The following AAK1 variants were observed in gnomAD, a reference collection of about 807,000 sequenced individuals.
The protein encoded by AAK1 is AP2-associated protein kinase 1.
Under a neutral mutation model 116.0 loss-of-function variants are expected in AAK1, and 37 were observed. The observed-to-expected ratio is 0.32, with a 90% CI of 0.25 to 0.42. AAK1 has a LOEUF of 0.42. Among genes scored for constraint, AAK1 ranks in the 10% least tolerant of loss-of-function variants. AAK1 has a pLI of 1.00. For missense variants in AAK1, 919 were observed against 1,170.6 expected (o/e 0.79, Z 3.14); for synonymous variants, 458 against 439.9 (o/e 1.04, Z -0.51).
rs574490585 is a variant in AAK1 at position 69,493,158 on chromosome 2, C to CAAAAAAAAAAAAAAAAAAAAA, written c.2365+2826_2365+2827insTTTTTTTTTTTTTTTTTTTTT. On this transcript the variant is annotated intron_variant, in intron 17 of 21. Coordinates refer to ENST00000409085, the MANE Select transcript of AAK1 (RefSeq NM_014911.5). ...TGGGCGACAGAGCGAGACTCCGTCT[C>CAAAAAAAAAAAAAAAAAAAAA]AAAAAAAAAAAAAAAAAAAGGATGC... 8.6e-3 allele frequency among the ~76,000 whole-genome samples: 322 copies of CAAAAAAAAAAAAAAAAAAAAA among 37,478 alleles called. 30 individuals are homozygous for CAAAAAAAAAAAAAAAAAAAAA. The highest frequency in any genetic ancestry group is 0.016 in the Non-Finnish European group (244 of 15,244). 24.6% of individuals were successfully genotyped at this position (37,478 alleles called of 152,430 possible). A position where few individuals can be genotyped will look rare whatever the true frequency, so the allele number is the denominator to read the frequency against.
chr2:69,514,897 T>G (rs1011429038), intron 12 of AAK1, 148 bp from the exon 13 acceptor site: 1 of 848,740 alleles, frequency 1.2e-6, no homozygotes, highest in Admixed American at 3.1e-5. Context: ...AATCTCATGA[T>G]AGAGACCTCA....
chr2:69,531,360 C>T (rs1234908408), intron 6 of AAK1, among the ~76,000 whole-genome samples: 1 of 152,142 alleles, frequency 6.6e-6, no homozygotes, highest in Non-Finnish European at 1.5e-5. Context: ...GTTCTTCTTG[C>T]CCCGGGCATG....
intron 2 of AAK1, among the ~76,000 whole-genome samples, chr2:69,563,277 T>C (rs1026541118): frequency 6.6e-5 from 10 of 151,600 alleles, no homozygotes; most frequent in African/African-American, 2.4e-4. Context: ...CAAGGAAAAG[T>C]GAGGGAAGGG....
intron 10 of AAK1, 40 bp from the exon 11 acceptor site, chr2:69,521,028 G>GA: frequency 6.2e-7 from 1 of 1,608,834 alleles, no homozygotes. Context: ...TAAAGTATGG[G>GA]AAAAATGGAA....
chr2:69,482,301 G>T, intron 18 of AAK1: 1 of 373,880 alleles, frequency 2.7e-6, no homozygotes, highest in Non-Finnish European at 4.8e-6. Flanking sequence ...GCAGTGAGCT[G>T]AGATCTTGCC....
chr2:69,618,701 T>C (rs985175605), intron 2 of AAK1, among the ~76,000 whole-genome samples: 1 of 150,768 alleles, frequency 6.6e-6, no homozygotes, highest in Non-Finnish European at 1.5e-5. Flanking sequence ...TTCCCTCCAC[T>C]GCAACTCCTA....
intron 5 of AAK1, among the ~76,000 whole-genome samples, chr2:69,533,122 C>T (rs1195243100): frequency 6.6e-6 from 1 of 152,114 alleles, no homozygotes; most frequent in Non-Finnish European, 1.5e-5. Flanking sequence ...TTGCCTTCAG[C>T]CTTCCAAAGA....
At chr2:69,582,198 T>G (rs1672575088) in intron 2 of AAK1, among the ~76,000 whole-genome samples, 1 of 152,174 alleles carries the variant, frequency 6.6e-6, no homozygotes, top group South Asian at 2.1e-4. Context: ...GCCCTGGATC[T>G]ATTTTTTACA....
rs774192903 is a variant in AAK1, at chr2:69,479,039, G to C, written c.2592C>G (p.Ser864=). ...TAGAGAGCAGAGAGCAATCAAGCAGGGAATCTTCCCCGGTGAGAGAATCTG... is the reference window on the plus strand; with the variant it reads ...TAGAGAGCAGAGAGCAATCAAGCAGCGAATCTTCCCCGGTGAGAGAATCTG... ...NRTDSLTGED[S]LLDCSLLSNP... The change falls in exon 20 of 22, where the codon TCC becomes TCG. Residue 864 remains serine, a synonymous_variant. Transcript: ENST00000409085. 3 of 1,613,644 alleles carry C rather than the reference G, an allele frequency of 1.9e-6. No individual in the cohort carries two copies. The highest frequency in any genetic ancestry group is 3.3e-5 in the Admixed American group (2 of 59,992).
At chr2:69,498,971 G>T (rs1675865210) in intron 16 of AAK1, among the ~76,000 whole-genome samples, 1 of 152,222 alleles carries the variant, frequency 6.6e-6, no homozygotes, top group African/African-American at 2.4e-5. Context: ...TGGCAGAAGG[G>T]AATGGGGAGG....
At chr2:69,570,278 T>TA (rs1672040965) in intron 2 of AAK1, among the ~76,000 whole-genome samples, 1 of 151,760 alleles carries the variant, frequency 6.6e-6, no homozygotes, top group African/African-American at 2.4e-5. Flanking sequence ...CTGCCTGGAA[T>TA]ATCCTGTCTC....
At chr2:69,489,632 C>T (rs1203520849) in intron 17 of AAK1, among the ~76,000 whole-genome samples, 1 of 152,150 alleles carries the variant, frequency 6.6e-6, no homozygotes, top group Non-Finnish European at 1.5e-5. Flanking sequence ...GCCACTCCAG[C>T]CTTGTGGCTT....
intron 13 of AAK1, among the ~76,000 whole-genome samples, chr2:69,510,006 C>A (rs1291293123): frequency 6.6e-6 from 1 of 152,188 alleles, no homozygotes; most frequent in Non-Finnish European, 1.5e-5. Flanking sequence ...AGAGAAAATT[C>A]TACTGTGATT....
intron 2 of AAK1, among the ~76,000 whole-genome samples, chr2:69,625,096 A>C (rs1385430106): frequency 6.6e-6 from 1 of 152,266 alleles, no homozygotes; most frequent in East Asian, 1.9e-4. Flanking sequence ...GACATAAAAA[A>C]ATGGTTTCTG....
intron 13 of AAK1, among the ~76,000 whole-genome samples, chr2:69,510,173 A>G (rs1253862259): frequency 2.0e-5 from 3 of 152,058 alleles, no homozygotes; most frequent in African/African-American, 4.8e-5. Flanking sequence ...CACAAGAGTT[A>G]TTTTTTCTGA....
At chr2:69,580,482 T>C (rs964319862) in intron 2 of AAK1, among the ~76,000 whole-genome samples, 2 of 152,056 alleles carry the variant, frequency 1.3e-5, no homozygotes, top group African/African-American at 4.8e-5. Flanking sequence ...ATAGGAATAT[T>C]AAACAGAGAA....
chr2:69,555,748 A>G (rs547947450), intron 3 of AAK1, among the ~76,000 whole-genome samples: 1 of 152,338 alleles, frequency 6.6e-6, no homozygotes, highest in African/African-American at 2.4e-5. Context: ...TAACAGGTTA[A>G]GCAATATAAT....
chr2:69,530,811 G>A (rs1670224499), intron 6 of AAK1, 105 bp from the exon 7 acceptor site: 2 of 793,582 alleles, frequency 2.5e-6, no homozygotes, highest in Non-Finnish European at 4.1e-6. Context: ...GAATCCCTGG[G>A]AGCAATCTGC....
At position 69,467,183 on chromosome 2, in the gene AAK1, A is replaced by G. The variant is rs1393546791; in HGVS notation, c.*8686T>C. The G allele has an allele frequency of 3.0e-6, 3 of 985,340 alleles. No homozygotes were observed. The highest frequency in any genetic ancestry group is 3.6e-6 in the Non-Finnish European group (3 of 829,938). The allele number at this position is 985,340 out of a possible 1,614,324, so 61.0% of individuals were successfully genotyped here. A position where few individuals can be genotyped will look rare whatever the true frequency, so the allele number is the denominator to read the frequency against. On this transcript the variant is annotated 3_prime_UTR_variant, in exon 22 of 22. Coordinates refer to ENST00000409085, the MANE Select transcript of AAK1 (RefSeq NM_014911.5). ...AAATCAGACCAAATAAATCACCTTC[A>G]GCTGGAGTTGCCCCAGAATTTTGTT...
Sources: allele counts gnomAD v4.1 joint callset (sites outside exome capture counted in the v4.1 genomes callset), GRCh38; gene constraint gnomAD v4.1.1; transcripts MANE v1.5; gene names NCBI Gene and HGNC (gene_info 2026-07-23, HGNC 2026-07-21).